The following KCND2 variants were observed in gnomAD, a reference collection of about 807,000 sequenced individuals.
The protein encoded by KCND2 is A-type voltage-gated potassium channel KCND2.
In KCND2, 16 loss-of-function variants were observed where a neutral mutation model predicts 54.4. The ratio of observed to expected loss-of-function variants is 0.29; its 90% confidence interval spans 0.20 to 0.45. The LOEUF is 0.45. KCND2 is among the 20% of genes least tolerant of loss of function. KCND2 has a pLI of 1.00. For synonymous variants in KCND2, 317 were observed against 310.7 expected (o/e 1.02, Z -0.21); for missense variants, 486 against 824.2 (o/e 0.59, Z 5.02).
At chr7:120,668,285 T>G (rs538507511) in intron 1 of KCND2, among the ~76,000 whole-genome samples, 1 of 152,164 alleles carries the variant, frequency 6.6e-6, no homozygotes, top group South Asian at 2.1e-4. Flanking sequence ...GCAGTAATTC[T>G]TCTGTGTCAA....
At position 120,273,381 on chromosome 7, in the gene KCND2, G is replaced by C. The variant is rs993924297; in HGVS notation, c.-1252G>C. ...GAGAGCCCGTGCCGGCCCCGGCCCC[G>C]GCCCCACCGCGCCAACGCCGCCCGC... On this transcript the variant is annotated 5_prime_UTR_variant, in exon 1 of 6. Transcript: ENST00000331113. Among the ~76,000 whole-genome samples, 223 of 147,732 alleles carry C rather than the reference G, an allele frequency of 1.5e-3. No individual in the cohort carries two copies. The highest frequency in any genetic ancestry group is 3.5e-3 in the South Asian group (17 of 4,790).
At chr7:120,333,627 T>C (rs900991410) in intron 1 of KCND2, among the ~76,000 whole-genome samples, 8 of 152,120 alleles carry the variant, frequency 5.3e-5, no homozygotes, top group African/African-American at 7.2e-5. Flanking sequence ...TATAATAATT[T>C]CCAGAATACA....
rs533400565 is a variant in KCND2, at chr7:120,449,096, G to A, written c.1115+173349G>A. On this transcript the variant is annotated intron_variant, in intron 1 of 5. Coordinates refer to ENST00000331113, the MANE Select transcript of KCND2 (RefSeq NM_012281.3). The stretch of plus-strand genomic sequence containing the variant: ...TGTAATCCCAGCACTTTGGGAGGCC[G>A]AGGTGGGCGGATCACAAGGCCAGGA... 6.2e-3 allele frequency among the ~76,000 whole-genome samples: 941 copies of A among 152,144 alleles called. 8 individuals carry two copies. The highest frequency in any genetic ancestry group is 0.011 in the Non-Finnish European group (717 of 67,988).
At chr7:120,496,232 C>T (rs1474604095) in intron 1 of KCND2, among the ~76,000 whole-genome samples, 1 of 151,938 alleles carries the variant, frequency 6.6e-6, no homozygotes, top group Non-Finnish European at 1.5e-5. Context: ...GCAATTGGAT[C>T]TCTAAGCCTC....
intron 1 of KCND2, among the ~76,000 whole-genome samples, chr7:120,494,854 T>A (rs1172693403): frequency 6.6e-6 from 1 of 152,196 alleles, no homozygotes; most frequent in Non-Finnish European, 1.5e-5. Context: ...TGTAAATCAG[T>A]ATATCAAATA....
chr7:120,679,869 T>A (rs866589231), intron 1 of KCND2, among the ~76,000 whole-genome samples: 6 of 152,150 alleles, frequency 3.9e-5, no homozygotes, highest in Non-Finnish European at 8.8e-5. Context: ...TTTGCTCATT[T>A]AAACACGCAT....
intron 1 of KCND2, among the ~76,000 whole-genome samples, chr7:120,527,370 C>T (rs1791789564): frequency 1.3e-5 from 2 of 152,062 alleles, no homozygotes; most frequent in South Asian, 2.1e-4. Flanking sequence ...TCAAGGGCAT[C>T]CTTAAAACTG....
chr7:120,432,962 C>T (rs1222840195), intron 1 of KCND2, among the ~76,000 whole-genome samples: 2 of 152,164 alleles, frequency 1.3e-5, no homozygotes, highest in Non-Finnish European at 2.9e-5. Context: ...AATCTCAACT[C>T]CTCATCTGAC....
intron 1 of KCND2, among the ~76,000 whole-genome samples, chr7:120,707,982 T>A (rs1429550817): frequency 6.6e-6 from 1 of 151,944 alleles, no homozygotes; most frequent in Non-Finnish European, 1.5e-5. Context: ...AGCAAGATGA[T>A]ACAAGAGGTT....
At chr7:120,582,947 T>C (rs1792536992) in intron 1 of KCND2, among the ~76,000 whole-genome samples, 1 of 91,258 alleles carries the variant, frequency 1.1e-5, no homozygotes, top group African/African-American at 3.2e-5. Flanking sequence ...TTGCTCTGTG[T>C]GTGTGTATGT....
At chr7:120,418,780 A>G (rs904625908) in intron 1 of KCND2, among the ~76,000 whole-genome samples, 11 of 152,210 alleles carry the variant, frequency 7.2e-5, no homozygotes, top group African/African-American at 2.2e-4. Context: ...TGAGAATGCC[A>G]TGTAGCCCTC....
At chr7:120,499,183 A>G (rs901470236) in intron 1 of KCND2, among the ~76,000 whole-genome samples, 1 of 152,184 alleles carries the variant, frequency 6.6e-6, no homozygotes, top group Non-Finnish European at 1.5e-5. Flanking sequence ...AAACCTCATT[A>G]TATACAGAAC....
rs183401321 is a variant in KCND2, at chr7:120,425,983, A to G, written c.1115+150236A>G. Among the ~76,000 whole-genome samples, 58 of 151,948 alleles carry G rather than the reference A, an allele frequency of 3.8e-4. No individual in the cohort carries two copies. In the East Asian group the frequency reaches 0.011, roughly 28 times the overall value. ...TTAGAACTAGTTAATTTTATTTTAG[A>G]AGTAAAGGAATATTACAAAAATAGC... On this transcript the variant is annotated intron_variant, in intron 1 of 5. Transcript: ENST00000331113.
At chr7:120,513,291 C>T (rs1037722964) in intron 1 of KCND2, among the ~76,000 whole-genome samples, 2 of 152,064 alleles carry the variant, frequency 1.3e-5, no homozygotes, top group Admixed American at 1.3e-4. Context: ...AGGCTTTTAA[C>T]CTTAAAAGAC....
At chr7:120,616,092 G>T (rs1374712862) in intron 1 of KCND2, among the ~76,000 whole-genome samples, 3 of 151,934 alleles carry the variant, frequency 2.0e-5, no homozygotes, top group African/African-American at 7.3e-5. Context: ...TTGGAAGGAA[G>T]GGAAGAAAAA....
chr7:120,620,906 A>G (rs1350287790), intron 1 of KCND2, among the ~76,000 whole-genome samples: 1 of 152,208 alleles, frequency 6.6e-6, no homozygotes, highest in Non-Finnish European at 1.5e-5. Context: ...ATTTAAAGGC[A>G]TAAAATAAAA....
At chr7:120,410,348 TA>T (rs1801430908) in intron 1 of KCND2, among the ~76,000 whole-genome samples, 1 of 152,000 alleles carries the variant, frequency 6.6e-6, no homozygotes, top group African/African-American at 2.4e-5. Context: ...TCTTATTGTT[TA>T]AAATTCTTTT....
chr7:120,444,595 A>G (rs1219414016), intron 1 of KCND2, among the ~76,000 whole-genome samples: 2 of 152,126 alleles, frequency 1.3e-5, no homozygotes, highest in African/African-American at 2.4e-5. Context: ...ATAATGACCA[A>G]TGTATTCCAA....
Position 120,700,513 on chromosome 7 carries a change from T to G in KCND2, c.1116-32390T>G, listed in dbSNP as rs969519878. ...GCTATCTCTTAGTCTTTTCTTTGTT[T>G]GAAGCCAATAGCCCATTTAGATATG... On this transcript the variant is annotated intron_variant, in intron 1 of 5. Coordinates refer to ENST00000331113, the MANE Select transcript of KCND2 (RefSeq NM_012281.3). 3.9e-5 allele frequency among the ~76,000 whole-genome samples: 6 copies of G among 152,346 alleles called. No homozygotes were observed. The South Asian group carries it at 8.3e-4, about 21-fold the overall frequency.
Sources: allele counts gnomAD v4.1 joint callset (sites outside exome capture counted in the v4.1 genomes callset), GRCh38; gene constraint gnomAD v4.1.1; transcripts MANE v1.5; gene names NCBI Gene and HGNC (gene_info 2026-07-23, HGNC 2026-07-21).